Variants in MEI1 observed in about 807,000 individuals in gnomAD.
The protein encoded by MEI1 is meiosis inhibitor protein 1.
Under a neutral mutation model 146.2 loss-of-function variants are expected in MEI1, and 103 were observed. The ratio of observed to expected loss-of-function variants is 0.70; its 90% confidence interval spans 0.60 to 0.83. MEI1 has a LOEUF of 0.83. Among genes scored for constraint, MEI1 ranks in the 40% least tolerant of loss-of-function variants. MEI1 has a pLI of 0.00. For missense variants in MEI1, 1,529 were observed against 1,533.0 expected, an observed-to-expected ratio of 1.00 and a Z score of 0.04; for synonymous variants, 652 against 628.2, an observed-to-expected ratio of 1.04 and a Z score of -0.57.
intron 24 of MEI1, among the ~76,000 whole-genome samples, chr22:41,783,346 G>A (rs2075834248): frequency 6.6e-6 from 1 of 152,064 alleles, no homozygotes; most frequent in Non-Finnish European, 1.5e-5. Context: ...AGGCTGGAGT[G>A]CAATGGTGTG....
chr22:41,775,512 T>G (rs1213966291), intron 20 of MEI1, among the ~76,000 whole-genome samples: 1 of 152,174 alleles, frequency 6.6e-6, no homozygotes, highest in African/African-American at 2.4e-5. Flanking sequence ...TGCCACTGGC[T>G]TATATGACCT....
chr22:41,755,510 G>T (rs2074034189), intron 17 of MEI1, among the ~76,000 whole-genome samples: 1 of 152,148 alleles, frequency 6.6e-6, no homozygotes, highest in South Asian at 2.1e-4. Context: ...CATGATTTCT[G>T]CCATGTAGCC....
chr22:41,712,570 T>A (rs1277288623), intron 3 of MEI1, among the ~76,000 whole-genome samples: 1 of 151,744 alleles, frequency 6.6e-6, no homozygotes, highest in East Asian at 1.9e-4. Flanking sequence ...CACAATAGAC[T>A]TACCTGGAGA....
rs141468718 is a variant in MEI1, at chr22:41,724,392, G to A, written c.864+319G>A. Among the ~76,000 whole-genome samples, 616 of 152,256 alleles carry A rather than the reference G, an allele frequency of 4.0e-3. 1 individual carries two copies. The highest frequency in any genetic ancestry group is 0.02 in the Middle Eastern group (6 of 294). On this transcript the variant is annotated intron_variant, in intron 7 of 30. Coordinates refer to ENST00000401548, the MANE Select transcript of MEI1 (RefSeq NM_152513.4). ...CCCAGCGTTTTGGGAGGCCAAGGCT[G>A]GCGGATCATGAGGTCAAGAGATTGA...
At chr22:41,710,666 T>A (rs1424942609) in intron 3 of MEI1, among the ~76,000 whole-genome samples, 1 of 152,198 alleles carries the variant, frequency 6.6e-6, no homozygotes, top group Non-Finnish European at 1.5e-5. Flanking sequence ...TTGCCTCACT[T>A]CTTTTGTGAA....
chr22:41,726,275 G>A (rs1390228517), intron 7 of MEI1, among the ~76,000 whole-genome samples: 1 of 152,156 alleles, frequency 6.6e-6, no homozygotes, highest in Non-Finnish European at 1.5e-5. Context: ...CCATTTCAGA[G>A]TTTAAATGTC....
chr22:41,700,635 G>A (rs1442116653), intron 1 of MEI1, among the ~76,000 whole-genome samples: 1 of 152,110 alleles, frequency 6.6e-6, no homozygotes. Flanking sequence ...CCGACCTGCA[G>A]TGAGTTTTCT....
intron 7 of MEI1, among the ~76,000 whole-genome samples, chr22:41,729,164 C>A (rs1218942578): frequency 8.1e-3 from 608 of 74,940 alleles, no homozygotes; most frequent in Admixed American, 0.014. Context: ...GACTCCGTCT[C>A]AAAAAAAAAA....
chr22:41,757,456 C>T (rs1162414879), intron 17 of MEI1, among the ~76,000 whole-genome samples: 1 of 152,122 alleles, frequency 6.6e-6, no homozygotes, highest in Non-Finnish European at 1.5e-5. Flanking sequence ...CTCCCAGGTT[C>T]AAGCGATTCT....
At chr22:41,760,045 C>A (rs1041760699) in intron 18 of MEI1, among the ~76,000 whole-genome samples, 1 of 151,856 alleles carries the variant, frequency 6.6e-6, no homozygotes, top group African/African-American at 2.4e-5. Flanking sequence ...TGCAGTGGCT[C>A]ACTCCTGTAA....
At chr22:41,799,149 T>A (rs1334348623) in intron 30 of MEI1, 105 bp from the exon 31 acceptor site, 17 of 1,050,658 alleles carry the variant, frequency 1.6e-5, no homozygotes, top group Non-Finnish European at 2.5e-5. Flanking sequence ...CAGGAGCACT[T>A]CTGTTCTTGC....
chr22:41,770,704 A>G lies in MEI1; in HGVS notation c.2287A>G (p.Arg763Gly), dbSNP rs2075129927. 4 of 1,613,840 alleles carry G rather than the reference A, an allele frequency of 2.5e-6. No homozygotes were observed. Among genetic ancestry groups the G allele is most frequent in the African/African-American group, 2.7e-5 (2 of 75,036 alleles). Reference sequence around the variant, plus strand: ...CCTCCAGACTATGGTCAGTGCAATCAGAAAATTCCTAGAAGGCATCCCAGA... The same window carrying G: ...CCTCCAGACTATGGTCAGTGCAATCGGAAAATTCCTAGAAGGCATCCCAGA... ...TLRETMVSAI[R>G]KFLEGIPDLQ... is the part of the protein sequence containing the mutation. The change falls in exon 20 of 31, where the codon AGA becomes GGA. Residue 763 changes from arginine (R) to glycine (G), a missense_variant. Transcript: ENST00000401548.
intron 18 of MEI1, 71 bp from the exon 19 acceptor site, chr22:41,763,103 C>A (rs1271836015): frequency 1.3e-6 from 2 of 1,551,396 alleles, no homozygotes; most frequent in Middle Eastern, 1.9e-4. Context: ...AAGGATGCGG[C>A]CAGGCAGAAT....
intron 8 of MEI1, 31 bp from the exon 9 acceptor site, chr22:41,730,490 T>G: frequency 1.4e-6 from 2 of 1,469,676 alleles, no homozygotes; most frequent in Non-Finnish European, 1.9e-6. Context: ...ATGGCTGTCA[T>G]TTATTGTTTT....
chr22:41,761,004 C>G (rs1233464300), intron 18 of MEI1, among the ~76,000 whole-genome samples: 1 of 151,960 alleles, frequency 6.6e-6, no homozygotes, highest in African/African-American at 2.4e-5. Flanking sequence ...CAATATAAAA[C>G]AATATGAGAG....
At chr22:41,747,102 G>T (rs1359500503) in intron 14 of MEI1, among the ~76,000 whole-genome samples, 1 of 151,862 alleles carries the variant, frequency 6.6e-6, no homozygotes. Flanking sequence ...TGAAAGGAAA[G>T]GTGTCAACAA....
rs774328586 is a variant in MEI1 at position 41,731,926 on chromosome 22, G to A, written c.1097-319G>A. Among the ~76,000 whole-genome samples the A allele has an allele frequency of 1.5e-4, 23 of 152,268 alleles. No homozygotes were observed. In the Middle Eastern group the frequency reaches 0.01, roughly 68 times the overall value. On this transcript the variant is annotated intron_variant, in intron 9 of 30. Transcript: ENST00000401548. ...AGGGAAGGCTTTTTGGAGGAGTGGG[G>A]TTTTGACCTGATTCTCCAAGGAGGA...
At chr22:41,738,234 C>G (rs2072550980) in intron 11 of MEI1, among the ~76,000 whole-genome samples, 1 of 152,042 alleles carries the variant, frequency 6.6e-6, no homozygotes, top group Non-Finnish European at 1.5e-5. Flanking sequence ...GTGGGTGGAT[C>G]ACAATGTCAG....
intron 21 of MEI1, among the ~76,000 whole-genome samples, chr22:41,776,666 C>T (rs952352422): frequency 1.3e-5 from 2 of 152,142 alleles, no homozygotes; most frequent in African/African-American, 4.8e-5. Context: ...TTGGAAGCTC[C>T]TAGTGAGATC....
Sources: allele counts gnomAD v4.1 joint callset (sites outside exome capture counted in the v4.1 genomes callset), GRCh38; gene constraint gnomAD v4.1.1; transcripts MANE v1.5; gene names NCBI Gene and HGNC (gene_info 2026-07-23, HGNC 2026-07-21).